Variants in SLC6A6 observed in about 807,000 individuals in gnomAD.
SLC6A6 encodes solute carrier family 6 member 6, also known as sodium- and chloride-dependent taurine transporter.
Under a neutral mutation model 68.8 loss-of-function variants are expected in SLC6A6, and 16 were observed. The ratio of observed to expected loss-of-function variants is 0.23; its 90% CI spans 0.16 to 0.35. The LOEUF is 0.35. SLC6A6 is among the 10% of genes least tolerant of loss of function. The probability of loss-of-function intolerance (pLI) is 1.00; values close to 1 mark genes in which losing one functional copy is unlikely to be tolerated. For synonymous variants in SLC6A6, 312 were observed against 315.4 expected, an observed-to-expected ratio of 0.99 and a Z score of 0.12; for missense variants, 474 against 802.8, an observed-to-expected ratio of 0.59 and a Z score of 4.95.
intron 6 of SLC6A6, among the ~76,000 whole-genome samples, chr3:14,466,265 TAAAAAAAAAAAAA>T (rs11310077): frequency 9.1e-6 from 1 of 110,256 alleles, no homozygotes; most frequent in South Asian, 2.7e-4. Context: ...GTCTCAAATT[TAAAAAAAAAAAAA>T]AAAAAAAAAA....
Position 14,402,651 on chromosome 3 carries a change from C to T in SLC6A6, c.-250C>T. 1 of 398,190 alleles carries T rather than the reference C, an allele frequency of 2.5e-6. No individual in the cohort carries two copies. Among genetic ancestry groups the T allele is most frequent in the Non-Finnish European group, 4.4e-6 (1 of 225,814 alleles). 24.7% of individuals were successfully genotyped at this position (398,190 alleles called of 1,614,324 possible). A position where few individuals can be genotyped will look rare whatever the true frequency, so the allele number is the denominator to read the frequency against. On this transcript the variant is annotated 5_prime_UTR_variant, in exon 1 of 15. Coordinates refer to ENST00000622186, the MANE Select transcript of SLC6A6 (RefSeq NM_003043.6). This position sits in a 1 kb window ranked among gnomAD's most constrained non-coding sequence, Gnocchi z 4.8. ...ACAGACACGCGAGGTCAGGAAGAAG[C>T]CGCTTATAAATTACCGCTTCCTTCG... is the stretch of plus-strand genomic sequence containing the variant.
At chr3:14,402,597 G>C (rs1322047111), upstream of SLC6A6, 3 of 397,738 alleles carry the variant, frequency 7.5e-6, no homozygotes, top group Middle Eastern at 6.2e-4. This position sits in a 1 kb window ranked among gnomAD's most constrained non-coding sequence, Gnocchi z 4.8. Flanking sequence ...CAGCAGGATG[G>C]GTGATGCTGA....
chr3:14,472,793 G>A lies in SLC6A6; in HGVS notation c.1209+476G>A, dbSNP rs567192135. Among the ~76,000 whole-genome samples, 89 of 152,240 alleles carry A rather than the reference G, an allele frequency of 5.8e-4. No individual in the cohort carries two copies. Among genetic ancestry groups the A allele is most frequent in the Admixed American group, 7.9e-4 (12 of 15,286 alleles). Reference sequence around the variant, plus strand: ...TGAGCTGATCATTGTCTGGGCCATCGTAATAAGTTGCAAGTGCCCAGGAGA... The same window carrying A: ...TGAGCTGATCATTGTCTGGGCCATCATAATAAGTTGCAAGTGCCCAGGAGA... On this transcript the variant is annotated intron_variant, in intron 10 of 14. Transcript: ENST00000622186. The surrounding 1 kb of genome is among the most constrained non-coding windows in gnomAD (Gnocchi z 4.5).
intron 7 of SLC6A6, 117 bp from the exon 8 acceptor site, chr3:14,467,735 AT>A: frequency 1.6e-6 from 1 of 629,158 alleles, no homozygotes. Flanking sequence ...TTCCATTTGC[AT>A]GTGCAAGGTC....
chr3:14,466,575 G>A lies in SLC6A6; in HGVS notation c.792G>A (p.Gly264=), dbSNP rs756752971. ...FAMLLVLLVR[G]LTLPGAGAGI... ...TGCTCCTGGTGCTGCTGGTCCGAGG[G>A]CTGACGCTGCCGGGCGCGGGCGCAG... Residue 264 remains glycine, a synonymous_variant, in exon 7 of 15, where the codon GGG becomes GGA. Transcript: ENST00000622186. 3 of 1,613,620 alleles carry A rather than the reference G, an allele frequency of 1.9e-6. No individual in the cohort carries two copies. The highest frequency in any genetic ancestry group is 2.5e-6 in the Non-Finnish European group (3 of 1,179,754).
chr3:14,406,849 A>C (rs1486538410), intron 1 of SLC6A6, among the ~76,000 whole-genome samples: 6 of 152,144 alleles, frequency 3.9e-5, no homozygotes, highest in Non-Finnish European at 1.5e-5. Flanking sequence ...TACAAATAAT[A>C]AACCACCTGA....
At chr3:14,412,995 T>C (rs1699283582) in intron 1 of SLC6A6, among the ~76,000 whole-genome samples, 1 of 152,254 alleles carries the variant, frequency 6.6e-6, no homozygotes, top group Non-Finnish European at 1.5e-5. Context: ...AACAGTGTCC[T>C]CGCTCCAAAA....
In SLC6A6 at chr3:14,404,068, G is replaced by A. The variant is rs549164817; in HGVS notation, c.-54+1221G>A. ...CCAGACACTTGAATGGAGGGTCTTC[G>A]GGCTGAGGTTTACTGGCGCATGGCT... On this transcript the variant is annotated intron_variant, in intron 1 of 14. Coordinates refer to ENST00000622186, the MANE Select transcript of SLC6A6 (RefSeq NM_003043.6). 2.6e-5 allele frequency among the ~76,000 whole-genome samples: 4 copies of A among 152,348 alleles called. No homozygotes were observed. The East Asian group carries it at 7.7e-4, about 29-fold the overall frequency.
At chr3:14,447,868 A>T in intron 5 of SLC6A6, 52 bp downstream of exon 5, 3 of 1,602,660 alleles carry the variant, frequency 1.9e-6, no homozygotes, top group Non-Finnish European at 2.6e-6. Flanking sequence ...GGCAGAGAGG[A>T]TGGCCCACTT....
At chr3:14,439,470 C>G (rs1327950451) in intron 2 of SLC6A6, among the ~76,000 whole-genome samples, 1 of 152,222 alleles carries the variant, frequency 6.6e-6, no homozygotes, top group Non-Finnish European at 1.5e-5. Context: ...TGGTTTCAGG[C>G]ACAGCTGGCT....
intron 5 of SLC6A6, among the ~76,000 whole-genome samples, chr3:14,452,910 C>A (rs139098139): frequency 1.3e-5 from 2 of 152,320 alleles, no homozygotes; most frequent in Non-Finnish European, 2.9e-5. Context: ...CAGGCTGGAG[C>A]CGTGCCTTCC....
chr3:14,484,665 T>C (rs1287384924), intron 14 of SLC6A6, among the ~76,000 whole-genome samples: 1 of 152,196 alleles, frequency 6.6e-6, no homozygotes, highest in Non-Finnish European at 1.5e-5. Context: ...CCGCCTTGAG[T>C]CAGGGCCTAG....
At chr3:14,432,072 C>T (rs1210842979) in intron 2 of SLC6A6, among the ~76,000 whole-genome samples, 2 of 152,180 alleles carry the variant, frequency 1.3e-5, no homozygotes, top group African/African-American at 2.4e-5. Context: ...GGGGCTGGCC[C>T]GGCTCCTGCA....
chr3:14,434,720 G>A (rs1437333683), intron 2 of SLC6A6, among the ~76,000 whole-genome samples: 3 of 152,124 alleles, frequency 2.0e-5, no homozygotes, highest in African/African-American at 4.8e-5. Flanking sequence ...TTCATCTGGG[G>A]CAGCGCCAGC....
Position 14,445,789 on chromosome 3 carries a change from T to C in SLC6A6, c.302T>C (p.Ile101Thr). The C allele has an allele frequency of 1.2e-6, 2 of 1,614,006 alleles. No homozygotes were observed. The highest frequency in any genetic ancestry group is 1.7e-6 in the Non-Finnish European group (2 of 1,179,804). The change falls in exon 4 of 15, where the codon ATA becomes ACA. Residue 101 changes from isoleucine to threonine, a missense_variant. Around this residue, in one of 2 missense-constraint regions of SLC6A6, gnomAD observed 280 missense variants for 533.1 expected, o/e 0.53. Transcript: ENST00000622186. ...CCTGTGTTTTTCTTGGAGATCATCA[T>C]AGGCCAGTACACCTCTGAAGGGGGC... ...GLPVFFLEII[I>T]GQYTSEGGIT...
At position 14,486,935 on chromosome 3, in the gene SLC6A6, A is replaced by G. The variant is rs1407140019; in HGVS notation, c.*1928A>G. 2 of 152,144 alleles carry G rather than the reference A, an allele frequency of 1.3e-5. No individual in the cohort carries two copies. Among genetic ancestry groups the G allele is most frequent in the Admixed American group, 6.5e-5 (1 of 15,280 alleles). 9.4% of individuals were successfully genotyped at this position (152,144 alleles called of 1,614,324 possible). A position where few individuals can be genotyped will look rare whatever the true frequency, so the allele number is the denominator to read the frequency against. On this transcript the variant is annotated 3_prime_UTR_variant, in exon 15 of 15. Transcript: ENST00000622186. Reference sequence around the variant, plus strand: ...GATTCTATCTTGTTCCTGTTTTTCTATGTATTTATGGTTGCCGTTTGTGTC... The same window carrying G: ...GATTCTATCTTGTTCCTGTTTTTCTGTGTATTTATGGTTGCCGTTTGTGTC...
chr3:14,470,361 ATTAT>A (rs1700724229), intron 9 of SLC6A6, among the ~76,000 whole-genome samples: 2 of 152,280 alleles, frequency 1.3e-5, no homozygotes, highest in African/African-American at 4.8e-5. Flanking sequence ...GAACAAGATA[ATTAT>A]TTAGCCTAAC....
Position 14,468,336 on chromosome 3 carries a change from C to CT in SLC6A6, c.1096+124_1096+125insT. 3.9e-6 allele frequency: 1 copy of CT among 255,980 alleles called. No individual in the cohort carries two copies. The highest frequency in any genetic ancestry group is 5.9e-6 in the Non-Finnish European group (1 of 170,308). 15.9% of individuals were successfully genotyped at this position (255,980 alleles called of 1,614,324 possible). A position where few individuals can be genotyped will look rare whatever the true frequency, so the allele number is the denominator to read the frequency against. ...GGACGAGCCTGGTTTCTAAAATGGA[C>CT]CCCCCCCCCGCCACCAAGATATCCC... On this transcript the variant is annotated intron_variant, in intron 9 of 14. Coordinates refer to ENST00000622186, the MANE Select transcript of SLC6A6 (RefSeq NM_003043.6). The surrounding 1 kb of genome is among the most constrained non-coding windows in gnomAD (Gnocchi z 4.5).
chr3:14,481,554 C>T lies in SLC6A6; in HGVS notation c.1552-117C>T. ...GCAGAGAGGGGTGTGAGTTCTGAGC[C>T]AGTCCTTTCCCAAGGAGAGAGACCC... On this transcript the variant is annotated intron_variant, in intron 13 of 14. Transcript: ENST00000622186. This position sits in a 1 kb window ranked among gnomAD's most constrained non-coding sequence, Gnocchi z 4.7. 3 of 703,886 alleles carry T rather than the reference C, an allele frequency of 4.3e-6. No homozygotes were observed. Among genetic ancestry groups the T allele is most frequent in the South Asian group, 1.8e-5 (1 of 57,034 alleles). 43.6% of individuals were successfully genotyped at this position (703,886 alleles called of 1,614,324 possible).
Sources: gnomAD v4.1 joint callset for allele counts (sites outside exome capture counted in the v4.1 genomes callset) on GRCh38, gnomAD v4.1.1 for gene constraint, gnomAD v4.1.1 regional missense constraint, Gnocchi (gnomAD v3.1) non-coding constraint, MANE v1.5 for transcripts, NCBI Gene and HGNC (gene_info 2026-07-23, HGNC 2026-07-21) for gene names.